Variants in CHCHD3 observed in about 807,000 individuals in gnomAD.
The protein encoded by CHCHD3 is MICOS complex subunit MIC19.
Under a neutral mutation model 38.2 loss-of-function variants are expected in CHCHD3, and 20 were observed. The observed-to-expected ratio is 0.52, with a 90% CI of 0.37 to 0.76. The LOEUF (loss-of-function observed/expected upper bound fraction) is 0.76, where lower values mean the gene tolerates loss of function less well. Ranked by LOEUF, CHCHD3 falls within the 30% of genes least tolerant of loss-of-function variation. The pLI, the probability that CHCHD3 is intolerant of heterozygous loss-of-function variation, is 0.00. For synonymous variants in CHCHD3, 82 were observed against 100.0 expected, an observed-to-expected ratio of 0.82 and a Z score of 1.07; for missense variants, 245 against 279.2, an observed-to-expected ratio of 0.88 and a Z score of 0.87.
chr7:132,950,520 G>C (rs1811012466), intron 4 of CHCHD3, among the ~76,000 whole-genome samples: 1 of 152,114 alleles, frequency 6.6e-6, no homozygotes, highest in Admixed American at 6.6e-5. Flanking sequence ...AAATCACATT[G>C]ATTCCCTGAT....
chr7:132,975,085 G>C (rs1811726281), intron 4 of CHCHD3, 84 bp downstream of exon 4: 1 of 1,035,646 alleles, frequency 9.7e-7, no homozygotes, highest in Non-Finnish European at 1.5e-6. Flanking sequence ...AACACTAAAA[G>C]CTGGCACAGA....
intron 6 of CHCHD3, among the ~76,000 whole-genome samples, chr7:132,832,439 T>C (rs1276370548): frequency 1.3e-5 from 2 of 152,202 alleles, no homozygotes; most frequent in South Asian, 2.1e-4. Flanking sequence ...TGTTAAAAAG[T>C]TGTACCTCTA....
intron 3 of CHCHD3, among the ~76,000 whole-genome samples, chr7:132,996,861 TTAAC>T (rs1326081523): frequency 2.0e-5 from 3 of 152,222 alleles, no homozygotes; most frequent in African/African-American, 7.2e-5. Context: ...GACTGCAAGA[TTAAC>T]TATCGTTAAA....
At chr7:133,073,434 C>T (rs1463383915) in intron 1 of CHCHD3, among the ~76,000 whole-genome samples, 1 of 152,164 alleles carries the variant, frequency 6.6e-6, no homozygotes, top group African/African-American at 2.4e-5. Flanking sequence ...CCGGTCTCCA[C>T]ACTGAAGTGC....
At chr7:132,945,518 T>C (rs1810874686) in intron 4 of CHCHD3, among the ~76,000 whole-genome samples, 2 of 151,854 alleles carry the variant, frequency 1.3e-5, no homozygotes, top group African/African-American at 4.8e-5. Context: ...TGTGATTAAA[T>C]GACCTCAAAC....
intron 5 of CHCHD3, among the ~76,000 whole-genome samples, chr7:132,844,509 A>G (rs988440869): frequency 2.0e-5 from 3 of 152,246 alleles, no homozygotes; most frequent in Admixed American, 6.5e-5. Flanking sequence ...AATACTTGAC[A>G]TGATTTGTCC....
At chr7:132,991,828 T>G (rs1321371420) in intron 3 of CHCHD3, among the ~76,000 whole-genome samples, 1 of 152,222 alleles carries the variant, frequency 6.6e-6, no homozygotes, top group Admixed American at 6.5e-5. Context: ...CTATCATTTA[T>G]GTACACAAGG....
chr7:133,011,482 T>C (rs1482123589), intron 3 of CHCHD3, among the ~76,000 whole-genome samples: 7 of 152,180 alleles, frequency 4.6e-5, no homozygotes, highest in Non-Finnish European at 1.0e-4. Context: ...TTCTTTGTTG[T>C]AGAGGGGCTG....
At chr7:132,935,113 A>G (rs1482040507) in intron 4 of CHCHD3, among the ~76,000 whole-genome samples, 1 of 152,218 alleles carries the variant, frequency 6.6e-6, no homozygotes, top group Non-Finnish European at 1.5e-5. Flanking sequence ...AGCCTCAGGA[A>G]AATTATTAAT....
At chr7:133,045,915 T>G (rs937393059) in intron 2 of CHCHD3, among the ~76,000 whole-genome samples, 4 of 152,068 alleles carry the variant, frequency 2.6e-5, no homozygotes, top group African/African-American at 9.7e-5. Flanking sequence ...CTGCCATGAT[T>G]GTAAGTTTCC....
At chr7:132,855,434 A>G (rs893358945) in intron 5 of CHCHD3, among the ~76,000 whole-genome samples, 5 of 152,234 alleles carry the variant, frequency 3.3e-5, no homozygotes, top group Admixed American at 2.6e-4. Flanking sequence ...AAAGTTACAC[A>G]GGTGAACAGA....
chr7:132,973,173 G>A (rs2117328462), intron 4 of CHCHD3: 1 of 985,340 alleles, frequency 1.0e-6, no homozygotes, highest in Non-Finnish European at 1.2e-6. Context: ...AAAAAGAGGT[G>A]GAGAAAGAGT....
rs1813683219 is a variant in CHCHD3, at chr7:133,036,582, A to C, written c.170-11955T>G. ...TAGGTAGAAAAACAGCTCAATGAAA[A>C]GTATTCATGGCAAAGTATGTTTAAT... is the stretch of plus-strand genomic sequence containing the variant. On this transcript the variant is annotated intron_variant, in intron 2 of 7. Transcript: ENST00000262570. 1.3e-5 allele frequency among the ~76,000 whole-genome samples: 2 copies of C among 152,220 alleles called. 1 individual carries two copies. The highest frequency in any genetic ancestry group is 4.1e-4 in the South Asian group (2 of 4,830).
At chr7:132,919,097 A>ATTTTTTTTTTTT (rs1585637830) in intron 4 of CHCHD3, among the ~76,000 whole-genome samples, 1 of 62,060 alleles carries the variant, frequency 1.6e-5, no homozygotes, top group East Asian at 5.9e-4. Flanking sequence ...AGTTGGGTTT[A>ATTTTTTTTTTTT]TTCTTTTTTT....
At chr7:133,081,515 A>C (rs1815170273) in intron 1 of CHCHD3, among the ~76,000 whole-genome samples, 1 of 152,088 alleles carries the variant, frequency 6.6e-6, no homozygotes, top group Admixed American at 6.5e-5. Flanking sequence ...ACCCAGGAAA[A>C]CCATTTCACA....
chr7:133,031,742 T>C (rs7808471), intron 2 of CHCHD3, among the ~76,000 whole-genome samples: 40,665 of 151,996 alleles, frequency 0.27, 5,840 homozygotes, highest in Middle Eastern at 0.36. Context: ...AGAGAAACCA[T>C]GAAGATCTTC....
intron 2 of CHCHD3, among the ~76,000 whole-genome samples, chr7:133,029,509 G>C (rs1813443279): frequency 6.6e-6 from 1 of 152,052 alleles, no homozygotes; most frequent in Non-Finnish European, 1.5e-5. Flanking sequence ...TTCTGTGTCT[G>C]GCTTATTTCA....
chr7:132,786,693 T>C (rs1432031878), intron 7 of CHCHD3, among the ~76,000 whole-genome samples: 1 of 152,124 alleles, frequency 6.6e-6, no homozygotes. Context: ...CATCTCTTCA[T>C]TGAGCTCCTA....
intron 4 of CHCHD3, among the ~76,000 whole-genome samples, chr7:132,966,945 T>C (rs1417947959): frequency 1.3e-5 from 2 of 152,198 alleles, no homozygotes; most frequent in African/African-American, 2.4e-5. Context: ...GAAGTAAATA[T>C]GTTCACAATG....
Sources: allele counts gnomAD v4.1 joint callset (sites outside exome capture counted in the v4.1 genomes callset), GRCh38; gene constraint gnomAD v4.1.1; transcripts MANE v1.5; gene names NCBI Gene and HGNC (gene_info 2026-07-23, HGNC 2026-07-21).